Variants in TRAPPC2 observed in about 807,000 individuals in gnomAD.
TRAPPC2 encodes trafficking protein particle complex subunit 2, also known as sedlin.
Under a neutral mutation model 10.0 loss-of-function variants are expected in TRAPPC2, and 4 were observed. The observed-to-expected ratio is 0.40, with a 90% CI of 0.20 to 0.92. TRAPPC2 has a LOEUF of 0.92. TRAPPC2 is among the 40% of genes least tolerant of loss of function. The pLI is 0.35. For synonymous variants in TRAPPC2, 36 were observed against 37.3 expected, an observed-to-expected ratio of 0.97 and a Z score of 0.12; for missense variants, 52 against 108.7, an observed-to-expected ratio of 0.48 and a Z score of 2.32.
At position 13,718,384 on chromosome X, in the gene TRAPPC2, T is replaced by G. The variant is rs149356167; in HGVS notation, c.93+1487A>C. Among the ~76,000 whole-genome samples, 330 of 113,167 alleles carry G rather than the reference T, an allele frequency of 2.9e-3. 1 individual carries two copies. Among genetic ancestry groups the G allele is most frequent in the African/African-American group, 9.7e-3 (302 of 31,224 alleles). On this transcript the variant is annotated intron_variant, in intron 3 of 5. Coordinates refer to ENST00000380579, the MANE Select transcript of TRAPPC2 (RefSeq NM_001011658.4). The stretch of plus-strand genomic sequence containing the variant: ...CTCACAGCAGTGTTTTCTTTTACAA[T>G]GATGATCAATCCTGAAGAATTAGGA...
At chrX:13,730,799 G>C (rs1444410022) in intron 2 of TRAPPC2, among the ~76,000 whole-genome samples, 1 of 109,380 alleles carries the variant, frequency 9.1e-6, no homozygotes, top group Non-Finnish European at 1.9e-5. Flanking sequence ...CCATCATTCT[G>C]AGCAAACTAT....
chrX:13,724,437 G>T (rs16979163), intron 2 of TRAPPC2, among the ~76,000 whole-genome samples: 2 of 106,760 alleles, frequency 1.9e-5, no homozygotes, highest in Non-Finnish European at 3.9e-5. Context: ...TTTAGGCTAC[G>T]ATCAGGAAAA....
chrX:13,722,776 A>G (rs1311507162), intron 2 of TRAPPC2, among the ~76,000 whole-genome samples: 1 of 112,092 alleles, frequency 8.9e-6, no homozygotes, highest in African/African-American at 3.2e-5. Context: ...AAATGTGGCT[A>G]GTGTAGGCCA....
intron 5 of TRAPPC2, chrX:13,715,771 A>G: frequency 2.2e-6 from 2 of 895,864 alleles, no homozygotes; most frequent in South Asian, 4.4e-5. Flanking sequence ...AATGAAACCA[A>G]TTTACCTTCA....
At chrX:13,715,082 A>G (rs1021040932) in intron 5 of TRAPPC2, among the ~76,000 whole-genome samples, 3 of 112,849 alleles carry the variant, frequency 2.7e-5, no homozygotes, top group African/African-American at 9.7e-5. Flanking sequence ...AGAGGGCTAA[A>G]TATTACTTAC....
intron 3 of TRAPPC2, among the ~76,000 whole-genome samples, chrX:13,718,753 T>A (rs2046348055): frequency 8.9e-6 from 1 of 112,013 alleles, no homozygotes; most frequent in South Asian, 3.7e-4. Flanking sequence ...ATCAATTCCT[T>A]AAAGGACATT....
At chrX:13,716,233 A>C (rs1411816439) in intron 4 of TRAPPC2, 144 bp from the exon 5 acceptor site, 1 of 697,592 alleles carries the variant, frequency 1.4e-6, no homozygotes, top group Non-Finnish European at 2.1e-6. Flanking sequence ...AAATTAGCTT[A>C]GTTTTATCAT....
chrX:13,716,372 T>G, intron 4 of TRAPPC2, 162 bp downstream of exon 4: 1 of 655,753 alleles, frequency 1.5e-6, no homozygotes, highest in Non-Finnish European at 2.3e-6. Flanking sequence ...AACAAAATGT[T>G]TTTCCCCCCT....
At position 13,734,398 on chromosome X, in the gene TRAPPC2, C is replaced by T. The variant is rs1027242727; in HGVS notation, c.-162+127G>A. 9.4e-5 allele frequency: 26 copies of T among 277,920 alleles called. No homozygotes were observed. The Admixed American group carries it at 1.5e-3, about 16-fold the overall frequency. The allele number at this position is 277,920 out of a possible 1,213,427, so 22.9% of individuals were successfully genotyped here. On this transcript the variant is annotated intron_variant, in intron 1 of 5. Transcript: ENST00000380579. ...CGCGGATGAGCCAGCGGAGGGCTGG[C>T]AGGTCCGGCCCGGCCACCCCGGGGA...
At chrX:13,722,919 C>T (rs918376343) in intron 2 of TRAPPC2, among the ~76,000 whole-genome samples, 15 of 109,790 alleles carry the variant, frequency 1.4e-4, no homozygotes, top group East Asian at 2.9e-4. Context: ...AAAAATTAGC[C>T]GAGTGTGGTG....
chrX:13,730,314 A>T (rs1462787541), intron 2 of TRAPPC2, among the ~76,000 whole-genome samples: 1 of 112,357 alleles, frequency 8.9e-6, no homozygotes, highest in Non-Finnish European at 1.9e-5. Flanking sequence ...AGACACATGA[A>T]AAAAATGCTC....
In TRAPPC2 at chrX:13,712,722, C is replaced by G. The variant is rs1343484724; in HGVS notation, c.*1685G>C. ...TCACATTATAGCAGGATCACTATTC[C>G]TAGCCTCTGGTGGAAGCAGACATGT... On this transcript the variant is annotated 3_prime_UTR_variant, in exon 6 of 6. Coordinates refer to ENST00000380579, the MANE Select transcript of TRAPPC2 (RefSeq NM_001011658.4). The G allele has an allele frequency of 4.5e-5, 5 of 111,962 alleles. No individual in the cohort carries two copies. Among genetic ancestry groups the G allele is most frequent in the African/African-American group, 1.6e-4 (5 of 30,798 alleles). The allele number at this position is 111,962 out of a possible 1,213,427, so 9.2% of individuals were successfully genotyped here. A position where few individuals can be genotyped will look rare whatever the true frequency, so the allele number is the denominator to read the frequency against.
chrX:13,722,915 T>A (rs1159217921), intron 2 of TRAPPC2, among the ~76,000 whole-genome samples: 2 of 109,622 alleles, frequency 1.8e-5, no homozygotes, highest in African/African-American at 6.7e-5. Context: ...TACAAAAAAT[T>A]AGCCGAGTGT....
intron 2 of TRAPPC2, among the ~76,000 whole-genome samples, chrX:13,733,200 C>G (rs374544604): frequency 9.1e-6 from 1 of 110,430 alleles, no homozygotes; most frequent in African/African-American, 3.3e-5. Flanking sequence ...TACAACATAT[C>G]AACATCTTTT....
intron 2 of TRAPPC2, among the ~76,000 whole-genome samples, chrX:13,728,764 G>C (rs957124543): frequency 1.8e-5 from 2 of 111,947 alleles, no homozygotes; most frequent in Non-Finnish European, 3.8e-5. Context: ...AATCAGGCAA[G>C]AGAAAGAACT....
At chrX:13,729,219 G>A (rs187548811) in intron 2 of TRAPPC2, among the ~76,000 whole-genome samples, 158 of 111,676 alleles carry the variant, frequency 1.4e-3, no homozygotes, top group African/African-American at 4.7e-3. Flanking sequence ...AGCTACCAAT[G>A]ACTTTCTTCA....
chrX:13,714,965 A>G (rs762270212), intron 5 of TRAPPC2, among the ~76,000 whole-genome samples: 1 of 112,466 alleles, frequency 8.9e-6, no homozygotes, highest in African/African-American at 3.2e-5. Context: ...AGCTTCTCAA[A>G]TTAGTGTATC....
chrX:13,717,033 T>C (rs1190552362), intron 3 of TRAPPC2, among the ~76,000 whole-genome samples: 1 of 46,202 alleles, frequency 2.2e-5, no homozygotes, highest in Non-Finnish European at 3.9e-5. Context: ...GGATACTATG[T>C]TAAAAAAAAA....
In TRAPPC2 at chrX:13,716,539, G is replaced by T; in HGVS notation, c.233C>A (p.Ala78Glu). Residue 78 changes from alanine (A) to glutamate (E), a missense_variant, in exon 4 of 6, where the codon GCG becomes GAG. Transcript: ENST00000380579. ...NEWFVSAFVT[A>E]GHMRFIMLHD... ...TACTAAGAAGGTAAGGATATGCCCCGCAGTGACAAATGCCGACACAAACCA... is the reference window on the plus strand; with the variant it reads ...TACTAAGAAGGTAAGGATATGCCCCTCAGTGACAAATGCCGACACAAACCA... The T allele has an allele frequency of 8.3e-7, 1 of 1,211,332 alleles. No homozygotes were observed.
Sources: gnomAD v4.1 joint callset for allele counts (sites outside exome capture counted in the v4.1 genomes callset) on GRCh38, gnomAD v4.1.1 for gene constraint, MANE v1.5 for transcripts, NCBI Gene and HGNC (gene_info 2026-07-23, HGNC 2026-07-21) for gene names.